The following PCDH7 variants were observed in gnomAD, a reference collection of about 807,000 sequenced individuals.
PCDH7 encodes protocadherin 7.
In PCDH7, 17 loss-of-function variants were observed where a neutral mutation model predicts 58.9. That is an observed-to-expected ratio of 0.29 (90% CI 0.20 to 0.43). The LOEUF is 0.43. PCDH7 is among the 20% of genes least tolerant of loss of function. The pLI is 1.00. For synonymous variants in PCDH7, 664 were observed against 616.4 expected (o/e 1.08, Z -1.14); for missense variants, 1,274 against 1,441.0 (o/e 0.88, Z 1.88).
At chr4:30,952,018 C>T (rs906954646) in intron 3 of PCDH7, among the ~76,000 whole-genome samples, 1 of 152,144 alleles carries the variant, frequency 6.6e-6, no homozygotes, top group Non-Finnish European at 1.5e-5. Flanking sequence ...ATGGGCCCTT[C>T]CCTTCACCCA....
chr4:31,069,625 A>G (rs1758376890), intron 3 of PCDH7, among the ~76,000 whole-genome samples: 1 of 152,050 alleles, frequency 6.6e-6, no homozygotes. Flanking sequence ...ATGTTTATGG[A>G]TTAAATGATG....
intron 3 of PCDH7, among the ~76,000 whole-genome samples, chr4:31,052,344 C>A (rs747539616): frequency 1.3e-5 from 2 of 152,106 alleles, no homozygotes; most frequent in East Asian, 3.9e-4. Context: ...CACCACTGAA[C>A]ATTTTGAAAC....
intron 1 of PCDH7, among the ~76,000 whole-genome samples, chr4:30,843,087 G>C (rs1731420783): frequency 6.7e-6 from 1 of 150,364 alleles, no homozygotes; most frequent in East Asian, 1.9e-4. Flanking sequence ...TATAATTTGA[G>C]CATAGTTAGG....
chr4:30,816,518 T>C (rs552639566), intron 1 of PCDH7, among the ~76,000 whole-genome samples: 3 of 152,054 alleles, frequency 2.0e-5, no homozygotes, highest in Admixed American at 6.6e-5. Flanking sequence ...GCTGTAATTC[T>C]TATAAAATAA....
rs71651570 is a variant in PCDH7 at position 31,006,892 on chromosome 4, C to CAA, written c.*7+56691_*7+56692dup. ...GGGCAACAAGACTGAAACTTTGTCT[C>CAA]AAAAAAAAAAAAAAAGAAAAAGAAA... On this transcript the variant is annotated intron_variant, in intron 3 of 3. Coordinates refer to the PCDH7 transcript ENST00000509759. Among the ~76,000 whole-genome samples the CAA allele has an allele frequency of 2.5e-4, 30 of 118,320 alleles. No homozygotes were observed. In the East Asian group the frequency reaches 3.0e-3, roughly 12 times the overall value. The allele number at this position is 118,320 out of a possible 152,430, so 77.6% of individuals were successfully genotyped here.
intron 3 of PCDH7, among the ~76,000 whole-genome samples, chr4:31,108,987 G>A (rs970294416): frequency 5.3e-5 from 8 of 152,172 alleles, no homozygotes; most frequent in Non-Finnish European, 1.0e-4. Flanking sequence ...GGGTTGCTTT[G>A]CTAATGTTGG....
chr4:30,801,433 A>G (rs1725508699), intron 1 of PCDH7, among the ~76,000 whole-genome samples: 1 of 152,158 alleles, frequency 6.6e-6, no homozygotes, highest in Non-Finnish European at 1.5e-5. Flanking sequence ...AAAGCCAATG[A>G]AGTAAACTTA....
chr4:31,055,485 A>G (rs992603321), intron 3 of PCDH7, among the ~76,000 whole-genome samples: 1 of 152,158 alleles, frequency 6.6e-6, no homozygotes, highest in Non-Finnish European at 1.5e-5. Flanking sequence ...TAGATTTTTT[A>G]AAACTCCAAA....
chr4:30,959,153 G>A (rs116553859), intron 3 of PCDH7, among the ~76,000 whole-genome samples: 1,701 of 151,952 alleles, frequency 0.011, 26 homozygotes, highest in African/African-American at 0.036. Context: ...ACCTGCAATT[G>A]TATTTATGAG....
At chr4:31,081,177 T>C (rs114291402) in intron 3 of PCDH7, among the ~76,000 whole-genome samples, 464 of 152,354 alleles carry the variant, frequency 3.0e-3, no homozygotes, top group African/African-American at 0.011. Context: ...GAATTTCTGG[T>C]ATTTAAAATA....
intron 3 of PCDH7, among the ~76,000 whole-genome samples, chr4:30,983,206 C>T (rs1321109904): frequency 6.6e-6 from 1 of 152,154 alleles, no homozygotes; most frequent in East Asian, 1.9e-4. Flanking sequence ...ATCATACATA[C>T]ACATTTACAA....
intron 3 of PCDH7, among the ~76,000 whole-genome samples, chr4:30,959,580 A>T (rs1432528196): frequency 2.0e-5 from 3 of 152,182 alleles, no homozygotes; most frequent in Non-Finnish European, 4.4e-5. Context: ...CTGCAGTTGC[A>T]TGAATATAAT....
chr4:31,013,618 C>CACACAT (rs1753383184), intron 3 of PCDH7, among the ~76,000 whole-genome samples: 1 of 150,736 alleles, frequency 6.6e-6, no homozygotes, highest in African/African-American at 2.4e-5. Flanking sequence ...CACACACACA[C>CACACAT]ATATATCTGC....
At chr4:30,819,814 C>A (rs1315852311) in intron 1 of PCDH7, among the ~76,000 whole-genome samples, 1 of 152,016 alleles carries the variant, frequency 6.6e-6, no homozygotes, top group African/African-American at 2.4e-5. Context: ...TTCTAAAGAT[C>A]TTTGGGAGAG....
chr4:31,143,980 T>C (rs1016159454), downstream of PCDH7: 2 of 152,224 alleles, frequency 1.3e-5, no homozygotes, highest in Non-Finnish European at 2.9e-5. Flanking sequence ...TTTAAAATAG[T>C]ATTTATGGAT....
At chr4:30,978,131 C>T (rs1750238354) in intron 3 of PCDH7, among the ~76,000 whole-genome samples, 1 of 152,122 alleles carries the variant, frequency 6.6e-6, no homozygotes, top group Non-Finnish European at 1.5e-5. Flanking sequence ...TGTTAAAAAT[C>T]TGAGTTCACA....
intron 1 of PCDH7, among the ~76,000 whole-genome samples, chr4:30,847,513 C>T (rs1159567398): frequency 1.3e-5 from 2 of 152,110 alleles, no homozygotes; most frequent in African/African-American, 4.8e-5. Context: ...TTTGCCTTCA[C>T]ATAGACAAAG....
At chr4:31,060,501 G>A (rs1757603422) in intron 3 of PCDH7, among the ~76,000 whole-genome samples, 2 of 151,766 alleles carry the variant, frequency 1.3e-5, no homozygotes, top group South Asian at 4.1e-4. Context: ...CAGTTTTCAT[G>A]ATTTGTTATT....
chr4:30,913,366 C>A (rs1170716415), intron 1 of PCDH7, among the ~76,000 whole-genome samples: 1 of 151,922 alleles, frequency 6.6e-6, no homozygotes, highest in East Asian at 1.9e-4. Flanking sequence ...TATTATAGTA[C>A]AATTTTGACT....
Sources: allele counts gnomAD v4.1 joint callset (sites outside exome capture counted in the v4.1 genomes callset), GRCh38; gene constraint gnomAD v4.1.1; transcripts MANE v1.5; gene names NCBI Gene and HGNC (gene_info 2026-07-23, HGNC 2026-07-21).